Variants in CD96 observed in about 807,000 individuals in gnomAD.
CD96 encodes T-cell surface protein tactile.
A neutral mutation model predicts 71.3 loss-of-function variants in CD96; 70 were observed. The ratio of observed to expected loss-of-function variants is 0.98; its 90% CI spans 0.81 to 1.20. The LOEUF (loss-of-function observed/expected upper bound fraction) is 1.20. Ranked by LOEUF, CD96 falls within the 50% of genes most tolerant of loss-of-function variation. CD96 has a pLI of 0.00. For synonymous variants in CD96, 248 were observed against 233.0 expected (o/e 1.06, Z -0.59); for missense variants, 742 against 677.5 (o/e 1.10, Z -1.06).
At chr3:111,663,986 G>C (rs773841593) in intron 14 of CD96, among the ~76,000 whole-genome samples, 1 of 152,066 alleles carries the variant, frequency 6.6e-6, no homozygotes, top group African/African-American at 2.4e-5. Flanking sequence ...TCCTGACCTC[G>C]TGATCTTCCT....
chr3:111,618,727 T>C (rs988321698), intron 8 of CD96, among the ~76,000 whole-genome samples: 1 of 151,614 alleles, frequency 6.6e-6, no homozygotes, highest in Non-Finnish European at 1.5e-5. Context: ...TGGGACTACA[T>C]GTCCAGCTAA....
chr3:111,639,007 A>C (rs1482405268), intron 12 of CD96, among the ~76,000 whole-genome samples: 1 of 152,216 alleles, frequency 6.6e-6, no homozygotes, highest in Non-Finnish European at 1.5e-5. Context: ...CCTCTTTAAA[A>C]TATTTTGTTT....
rs143082141 is a variant in CD96 at position 111,659,130 on chromosome 3, G to T, written c.*53-6397G>T. On this transcript the variant is annotated intron_variant and NMD_transcript_variant, in intron 14 of 14. Transcript: ENST00000494798. ...AATCTTGGGAGATTGTGTGTTTCCAGAAATTTATCCATTTCCTCTAGATTT... is the reference window on the plus strand; with the variant it reads ...AATCTTGGGAGATTGTGTGTTTCCATAAATTTATCCATTTCCTCTAGATTT... 5.2e-3 allele frequency among the ~76,000 whole-genome samples: 789 copies of T among 152,276 alleles called. 5 individuals carry two copies. Among genetic ancestry groups the T allele is most frequent in the African/African-American group, 0.018 (728 of 41,562 alleles).
chr3:111,623,672 G>T, intron 8 of CD96, 82 bp from the exon 9 acceptor site: 2 of 850,106 alleles, frequency 2.4e-6, no homozygotes, highest in Non-Finnish European at 4.0e-6. Context: ...TAATATTCCA[G>T]GCTCTTGTTA....
At chr3:111,616,534 G>A (rs559458602) in intron 8 of CD96, among the ~76,000 whole-genome samples, 5 of 152,100 alleles carry the variant, frequency 3.3e-5, no homozygotes, top group Non-Finnish European at 5.9e-5. Context: ...GAGCTCTTCC[G>A]TGGCTAGGCC....
intron 5 of CD96, chr3:111,592,903 T>A (rs1937059764): frequency 6.6e-6 from 1 of 152,242 alleles, no homozygotes; most frequent in Non-Finnish European, 1.5e-5. Context: ...CAGATTATAC[T>A]GATGAAACAA....
At chr3:111,563,761 A>C (rs957894208) in intron 2 of CD96, among the ~76,000 whole-genome samples, 72 of 152,154 alleles carry the variant, frequency 4.7e-4, no homozygotes, top group African/African-American at 1.5e-3. Context: ...ACAATTATAT[A>C]TTCTTAGTGC....
At chr3:111,646,068 A>G (rs1939812407) in intron 12 of CD96, among the ~76,000 whole-genome samples, 1 of 152,170 alleles carries the variant, frequency 6.6e-6, no homozygotes, top group Non-Finnish European at 1.5e-5. Flanking sequence ...ACAAGCAGTT[A>G]CTACCTAGCC....
At chr3:111,582,512 A>T (rs996628553) in intron 4 of CD96, among the ~76,000 whole-genome samples, 1 of 152,170 alleles carries the variant, frequency 6.6e-6, no homozygotes, top group African/African-American at 2.4e-5. Context: ...CAAGAATCAA[A>T]TGTTTCTCTG....
chr3:111,542,308 G>C lies in CD96; in HGVS notation c.60G>C (p.Lys20Asn), dbSNP rs201619916. 6.2e-7 allele frequency: 1 copy of C among 1,613,040 alleles called. No homozygotes were observed. Among genetic ancestry groups the C allele is most frequent in the African/African-American group, 1.3e-5 (1 of 75,040 alleles). The change falls in exon 1 of 14, where the codon AAG becomes AAC. Residue 20 changes from lysine to asparagine, a missense_variant and splice_region_variant. Physicochemically the swap from Lys to Asn is moderately conservative, Grantham distance 94 (BLOSUM62 0). Coordinates refer to ENST00000352690, the MANE Select transcript of CD96 (RefSeq NM_005816.5). ...ACATCATCCAGATACATTTTGTCAA[G>C]GGTAAGACTTCCAGTTGTCCCTTCT... ...VYYIIQIHFV[K>N]GVWEKTVNTE...
intron 1 of CD96, among the ~76,000 whole-genome samples, chr3:111,544,290 G>C (rs775522709): frequency 1.1e-4 from 16 of 152,064 alleles, no homozygotes; most frequent in Non-Finnish European, 2.2e-4. Context: ...GACTACAGGC[G>C]TGCACCACCA....
At chr3:111,597,903 G>C (rs939044177) in intron 5 of CD96, among the ~76,000 whole-genome samples, 1 of 152,148 alleles carries the variant, frequency 6.6e-6, no homozygotes, top group African/African-American at 2.4e-5. Context: ...AGTTGACCTA[G>C]GAGTATAGCC....
chr3:111,637,930 G>A (rs1270335346), intron 11 of CD96, 149 bp from the exon 12 acceptor site: 2 of 657,386 alleles, frequency 3.0e-6, no homozygotes, highest in Non-Finnish European at 2.8e-6. Context: ...CTATAAATTG[G>A]TTCTTAATAA....
In CD96 at chr3:111,649,820, T is replaced by C. The variant is rs761206185; in HGVS notation, c.*14T>C. On this transcript the variant is annotated 3_prime_UTR_variant, in exon 14 of 14. Transcript: ENST00000352690. ...GAGACCCTCTAGTCTCGTGAGACTT[T>C]GCCCCATGGCAGAACTCTGCTGGAA... is the stretch of plus-strand genomic sequence containing the variant. 1.3e-6 allele frequency: 2 copies of C among 1,482,214 alleles called. No homozygotes were observed. The highest frequency in any genetic ancestry group is 1.9e-6 in the Non-Finnish European group (2 of 1,059,608). 91.8% of individuals were successfully genotyped at this position (1,482,214 alleles called of 1,614,324 possible).
At chr3:111,590,452 C>T (rs1485603011) in intron 5 of CD96, among the ~76,000 whole-genome samples, 1 of 152,202 alleles carries the variant, frequency 6.6e-6, no homozygotes, top group East Asian at 1.9e-4. Flanking sequence ...GGGACTTGGT[C>T]AGTTGTGAGC....
At chr3:111,642,679 C>T (rs940135727) in intron 12 of CD96, among the ~76,000 whole-genome samples, 5 of 151,658 alleles carry the variant, frequency 3.3e-5, no homozygotes, top group African/African-American at 4.8e-5. Flanking sequence ...TGGTGGCAGG[C>T]GCCTATAATC....
chr3:111,564,092 A>G (rs1398244065), intron 2 of CD96, among the ~76,000 whole-genome samples: 1 of 152,158 alleles, frequency 6.6e-6, no homozygotes, highest in Non-Finnish European at 1.5e-5. Context: ...CGATACTTTT[A>G]TATGAACATG....
At chr3:111,656,112 C>T (rs1001922719), downstream of CD96, among the ~76,000 whole-genome samples, 5 of 152,068 alleles carry the variant, frequency 3.3e-5, no homozygotes, top group African/African-American at 1.2e-4. Context: ...TATCAATATA[C>T]ATACCTTTAT....
At chr3:111,656,731 A>G (rs1441670881), downstream of CD96, among the ~76,000 whole-genome samples, 1 of 152,188 alleles carries the variant, frequency 6.6e-6, no homozygotes, top group Non-Finnish European at 1.5e-5. Context: ...TTCCAGAGAT[A>G]TTATTAAGGG....
Sources: allele counts gnomAD v4.1 joint callset (sites outside exome capture counted in the v4.1 genomes callset), GRCh38; gene constraint gnomAD v4.1.1; transcripts MANE v1.5; gene names NCBI Gene and HGNC (gene_info 2026-07-23, HGNC 2026-07-21).